Variants in USP7 observed in about 807,000 individuals in gnomAD.
USP7 encodes ubiquitin C-terminal hydrolase 7.
USP7 carries 9 observed loss-of-function variants against 162.9 expected under a neutral mutation model. The ratio of observed to expected loss-of-function variants is 0.06; its 90% CI spans 0.03 to 0.10. The LOEUF (loss-of-function observed/expected upper bound fraction) is 0.10. Among genes scored for constraint, USP7 ranks in the 10% least tolerant of loss-of-function variants. The probability of loss-of-function intolerance (pLI) is 1.00; values close to 1 mark genes in which losing one functional copy is unlikely to be tolerated. For missense variants in USP7, 715 were observed against 1,373.7 expected (o/e 0.52, Z 7.58); for synonymous variants, 562 against 475.9 (o/e 1.18, Z -2.35).
intron 18 of USP7, among the ~76,000 whole-genome samples, chr16:8,901,557 C>T (rs1657091): frequency 0.28 from 41,973 of 151,958 alleles, 5,925 homozygotes; most frequent in South Asian, 0.34. Flanking sequence ...AGCGTTGCCA[C>T]GGGAAGATTG....
chr16:8,921,050 GT>G, intron 4 of USP7, 106 bp downstream of exon 4: 3 of 1,268,130 alleles, frequency 2.4e-6, no homozygotes, highest in Non-Finnish European at 3.2e-6. Flanking sequence ...AATTTAGAAA[GT>G]AAAAATCTGA....
At chr16:8,916,593 C>A (rs751673975) in intron 7 of USP7, 37 bp from the exon 8 acceptor site, 3 of 1,559,616 alleles carry the variant, frequency 1.9e-6, no homozygotes, top group East Asian at 2.3e-5. Context: ...ATTTAAAGCT[C>A]AACTTTCAAA....
intron 1 of USP7, among the ~76,000 whole-genome samples, chr16:8,938,337 G>C (rs1898867532): frequency 1.0e-5 from 1 of 99,324 alleles, no homozygotes. Flanking sequence ...AAATAACACA[G>C]TCAAAAAAAA....
In USP7 at chr16:8,923,363, T is replaced by C. The variant is rs1341264405; in HGVS notation, c.235A>G (p.Ser79Gly). Residue 79 changes from serine (S) to glycine (G), a missense_variant, in exon 3 of 31, where the codon AGC (serine) becomes GGC (glycine). Ser to Gly is a moderately conservative substitution (Grantham distance 56, BLOSUM62 0). This residue lies in a region of USP7 where 137 missense variants were observed against 123.5 expected (regional missense o/e 1.11). Coordinates refer to ENST00000344836, the MANE Select transcript of USP7 (RefSeq NM_003470.3). ...ATFQFTVERF[S>G]RLSESVLSPP... ...CTAAGGACCGACTCACTCAGTCTGC[T>C]GAAGCGCTCCACAGTGAACTGAAAG... is the stretch of plus-strand genomic sequence containing the variant. 1 of 1,614,226 alleles carries C rather than the reference T, an allele frequency of 6.2e-7. No homozygotes were observed. Among genetic ancestry groups the C allele is most frequent in the South Asian group, 1.1e-5 (1 of 91,088 alleles).
intron 5 of USP7, among the ~76,000 whole-genome samples, chr16:8,920,124 C>A (rs1488074227): frequency 6.6e-6 from 1 of 152,180 alleles, no homozygotes; most frequent in Non-Finnish European, 1.5e-5. Context: ...CAGAAAACCA[C>A]AGCTGTCTAG....
chr16:8,927,237 G>A (rs943369015), intron 2 of USP7, among the ~76,000 whole-genome samples: 1 of 151,614 alleles, frequency 6.6e-6, no homozygotes, highest in Non-Finnish European at 1.5e-5. Context: ...CAGGAGAATC[G>A]CTTGAACCCG....
chr16:8,926,148 C>G (rs1244986218), intron 2 of USP7, among the ~76,000 whole-genome samples: 1 of 110,766 alleles, frequency 9.0e-6, no homozygotes, highest in South Asian at 3.1e-4. Flanking sequence ...AGCGAGACTC[C>G]GTCTCAAAAA....
At chr16:8,946,486 G>A (rs1444889488) in intron 1 of USP7, among the ~76,000 whole-genome samples, 1 of 152,198 alleles carries the variant, frequency 6.6e-6, no homozygotes. Context: ...GCTGTTAAGT[G>A]AATACACACG....
intron 1 of USP7, among the ~76,000 whole-genome samples, chr16:8,931,374 G>C (rs1567233404): frequency 6.6e-6 from 1 of 152,114 alleles, no homozygotes; most frequent in Non-Finnish European, 1.5e-5. Context: ...TTTTAGTAGA[G>C]ATGTGGTTTC....
At chr16:8,931,612 A>C (rs767799342) in intron 1 of USP7, among the ~76,000 whole-genome samples, 1 of 152,268 alleles carries the variant, frequency 6.6e-6, no homozygotes, top group Non-Finnish European at 1.5e-5. Context: ...GCTTGGGCTG[A>C]AAAACACATA....
At chr16:8,956,777 A>AAAAC (rs1555472208) in intron 1 of USP7, among the ~76,000 whole-genome samples, 6 of 79,636 alleles carry the variant, frequency 7.5e-5, no homozygotes, top group Non-Finnish European at 1.8e-4. Context: ...AAACAAAAAC[A>AAAAC]AAAAAAAAAA....
intron 1 of USP7, among the ~76,000 whole-genome samples, chr16:8,960,229 T>C (rs1899958534): frequency 6.6e-6 from 1 of 152,190 alleles, no homozygotes; most frequent in South Asian, 2.1e-4. Flanking sequence ...ACTAGAAACA[T>C]GCAACTGGCT....
chr16:8,919,194 A>C (rs1897540639), intron 5 of USP7, 55 bp from the exon 6 acceptor site: 1 of 1,569,696 alleles, frequency 6.4e-7, no homozygotes, highest in Admixed American at 1.7e-5. Context: ...TTGCTCCTGC[A>C]GTGTGTGTGA....
At chr16:8,897,922 G>C (rs1313473692) in intron 25 of USP7, among the ~76,000 whole-genome samples, 1 of 150,828 alleles carries the variant, frequency 6.6e-6, no homozygotes, top group Non-Finnish European at 1.5e-5. Flanking sequence ...CTAAAATGTG[G>C]CTGGATGCGT....
At chr16:8,903,893 AAAG>A (rs1278285306) in intron 15 of USP7, among the ~76,000 whole-genome samples, 6 of 152,040 alleles carry the variant, frequency 3.9e-5, no homozygotes, top group African/African-American at 1.4e-4. Flanking sequence ...GGAAAAGAAA[AAAG>A]AAAAGGAGAC....
At chr16:8,928,578 G>C (rs1177028079) in intron 2 of USP7, among the ~76,000 whole-genome samples, 4 of 152,142 alleles carry the variant, frequency 2.6e-5, no homozygotes, top group African/African-American at 9.7e-5. Flanking sequence ...GCTGCCCTCA[G>C]CTACAAGTTC....
intron 1 of USP7, among the ~76,000 whole-genome samples, chr16:8,942,939 C>G (rs949742378): frequency 2.0e-5 from 3 of 152,210 alleles, no homozygotes; most frequent in Non-Finnish European, 2.9e-5. Context: ...TCCTGTCCTA[C>G]TAAGCTAGGT....
intron 8 of USP7, among the ~76,000 whole-genome samples, chr16:8,915,740 T>A (rs934541618): frequency 6.6e-6 from 1 of 152,256 alleles, no homozygotes; most frequent in African/African-American, 2.4e-5. Context: ...TAACCTTTTA[T>A]ACAGCCTTTG....
chr16:8,952,682 G>GT (rs1001594022), intron 1 of USP7, among the ~76,000 whole-genome samples: 1 of 152,144 alleles, frequency 6.6e-6, no homozygotes, highest in Non-Finnish European at 1.5e-5. Flanking sequence ...GCCATGTAAC[G>GT]TAACATTTGC....
Sources: allele counts gnomAD v4.1 joint callset (sites outside exome capture counted in the v4.1 genomes callset), GRCh38; gene constraint gnomAD v4.1.1; regional missense constraint gnomAD v4.1.1; transcripts MANE v1.5; gene names NCBI Gene and HGNC (gene_info 2026-07-23, HGNC 2026-07-21).